Variants in GALNT3 observed in about 807,000 individuals in gnomAD.
GALNT3 encodes GalNAc transferase 3.
GALNT3 carries 51 observed loss-of-function variants against 69.8 expected under a neutral mutation model. The ratio of observed to expected loss-of-function variants is 0.73; its 90% CI spans 0.58 to 0.92. GALNT3 has a LOEUF of 0.92. Ranked by LOEUF, GALNT3 falls within the 40% of genes least tolerant of loss-of-function variation. The probability of loss-of-function intolerance (pLI) is 0.00; values close to 1 mark genes in which losing one functional copy is unlikely to be tolerated. For missense variants in GALNT3, 711 were observed against 760.0 expected, an observed-to-expected ratio of 0.94 and a Z score of 0.76; for synonymous variants, 265 against 248.5, an observed-to-expected ratio of 1.07 and a Z score of -0.63.
At chr2:165,762,111 T>C in intron 3 of GALNT3, 57 bp from the exon 4 acceptor site, 6 of 1,235,006 alleles carry the variant, frequency 4.9e-6, no homozygotes, top group South Asian at 2.5e-5. Flanking sequence ...ATATATAGCT[T>C]ATGAAAGCTA....
At chr2:165,758,702 T>G (rs1205778459) in intron 6 of GALNT3, 45 bp downstream of exon 6, 1 of 1,160,992 alleles carries the variant, frequency 8.6e-7, no homozygotes, top group Non-Finnish European at 1.3e-6. Context: ...CACAATATAT[T>G]TCATTGTTTA....
At chr2:165,753,089 G>A (rs1206944034) in intron 9 of GALNT3, among the ~76,000 whole-genome samples, 1 of 152,186 alleles carries the variant, frequency 6.6e-6, no homozygotes, top group Non-Finnish European at 1.5e-5. Flanking sequence ...TAGATTGATT[G>A]GTTTAGGTTA....
intron 7 of GALNT3, among the ~76,000 whole-genome samples, chr2:165,755,897 T>C (rs1358093451): frequency 6.6e-6 from 1 of 152,198 alleles, no homozygotes; most frequent in East Asian, 1.9e-4. Flanking sequence ...ACATTTACCA[T>C]GTAGATCTAT....
At chr2:165,753,216 C>T (rs1171490706) in intron 9 of GALNT3, among the ~76,000 whole-genome samples, 1 of 152,104 alleles carries the variant, frequency 6.6e-6, no homozygotes, top group Non-Finnish European at 1.5e-5. Flanking sequence ...AAGTTTCGTC[C>T]CATTAAAATA....
At chr2:165,782,576 T>G (rs1316271034) in intron 1 of GALNT3, among the ~76,000 whole-genome samples, 1 of 152,068 alleles carries the variant, frequency 6.6e-6, no homozygotes, top group Non-Finnish European at 1.5e-5. Flanking sequence ...ATTAAAGAAC[T>G]GGGGAAATAA....
intron 1 of GALNT3, among the ~76,000 whole-genome samples, chr2:165,788,466 G>GGTGTGT (rs148293638): frequency 0.026 from 3,698 of 139,548 alleles, 84 homozygotes; most frequent in Admixed American, 0.042. Flanking sequence ...AATCCAAAAG[G>GGTGTGT]GTGTGTGTGT....
Position 165,759,325 on chromosome 2 carries a change from A to T in GALNT3, c.1073+11T>A, listed in dbSNP as rs759251295. The T allele has an allele frequency of 6.3e-7, 1 of 1,596,910 alleles. No homozygotes were observed. The highest frequency in any genetic ancestry group is 8.6e-7 in the Non-Finnish European group (1 of 1,165,150). On this transcript the variant is annotated intron_variant, in intron 5 of 10. Transcript: ENST00000392701. ...GGTGTAAATATAAGACTCTGAGAGC[A>T]ATCATCTTACTTAATTGGGTAGGTT...
At position 165,770,448 on chromosome 2, in the gene GALNT3, G is replaced by A; in HGVS notation, c.253C>T (p.Pro85Ser). 1 of 1,614,168 alleles carries A rather than the reference G, an allele frequency of 6.2e-7. No homozygotes were observed. The highest frequency in any genetic ancestry group is 1.3e-5 in the African/African-American group (1 of 75,020). The change falls in exon 2 of 11, where the codon CCT (proline) becomes TCT (serine). Residue 85 changes from proline to serine, a missense_variant. Transcript: ENST00000392701. Reference protein sequence around the residue: ...DAMPKMQIGAPVRQNIDAGER... With the variant: ...DAMPKMQIGASVRQNIDAGER... ...CCAGCATCAATGTTTTGCCTGACAG[G>A]TGCTCCTATTTGCATTTTTGGCATG...
At chr2:165,762,172 A>G in intron 3 of GALNT3, 118 bp from the exon 4 acceptor site, 1 of 790,772 alleles carries the variant, frequency 1.3e-6, no homozygotes, top group Non-Finnish European at 2.0e-6. Flanking sequence ...TAACAGTTGC[A>G]TGTGTCCTTC....
At chr2:165,772,212 T>G (rs1438101701) in intron 1 of GALNT3, among the ~76,000 whole-genome samples, 2 of 152,278 alleles carry the variant, frequency 1.3e-5, no homozygotes, top group Admixed American at 1.3e-4. Context: ...AGCCCTTACC[T>G]TCAAGAAGCA....
chr2:165,774,308 A>G (rs1688806847), intron 1 of GALNT3, among the ~76,000 whole-genome samples: 1 of 152,192 alleles, frequency 6.6e-6, no homozygotes, highest in Admixed American at 6.5e-5. Context: ...ATTTGAGAAG[A>G]ATTGAGCTGG....
chr2:165,773,979 CAG>C (rs906054641), intron 1 of GALNT3, among the ~76,000 whole-genome samples: 1 of 152,074 alleles, frequency 6.6e-6, no homozygotes, highest in African/African-American at 2.4e-5. Flanking sequence ...AGAACCTTGG[CAG>C]AGAGAGTAGT....
At position 165,768,909 on chromosome 2, in the gene GALNT3, G is replaced by T. The variant is rs147225120; in HGVS notation, c.515+1277C>A. On this transcript the variant is annotated intron_variant, in intron 2 of 10. Coordinates refer to ENST00000392701, the MANE Select transcript of GALNT3 (RefSeq NM_004482.4). The stretch of plus-strand genomic sequence containing the variant: ...CCCCAGGTTCAAGCAATTCTCCAGC[G>T]TCAGGCTCCCCAGTAGCTGGGACTA... Among the ~76,000 whole-genome samples the T allele has an allele frequency of 8.0e-5, 12 of 150,534 alleles. No individual in the cohort carries two copies. In the East Asian group the frequency reaches 2.4e-3, roughly 30 times the overall value.
rs1284099127 is a variant in GALNT3, at chr2:165,758,590, A to G, written c.1191+157T>C. ...GAATAAATATATTAAGTTACATATT[A>G]AAAGAAAATATTCTTATTCCAAAAT... On this transcript the variant is annotated intron_variant, in intron 6 of 10. Coordinates refer to ENST00000392701, the MANE Select transcript of GALNT3 (RefSeq NM_004482.4). 33 of 581,472 alleles carry G rather than the reference A, an allele frequency of 5.7e-5. No homozygotes were observed. The Admixed American group carries it at 1.1e-3, about 19-fold the overall frequency. 36.0% of individuals were successfully genotyped at this position (581,472 alleles called of 1,614,324 possible). A position where few individuals can be genotyped will look rare whatever the true frequency, so the allele number is the denominator to read the frequency against.
intron 1 of GALNT3, among the ~76,000 whole-genome samples, chr2:165,774,356 A>AAC (rs1329582802): frequency 6.6e-6 from 1 of 152,216 alleles, no homozygotes; most frequent in Non-Finnish European, 1.5e-5. Context: ...AAGAGTTCAG[A>AAC]GAAAGCACAG....
chr2:165,761,615 T>TG (rs1434996868), intron 4 of GALNT3: 7 of 543,058 alleles, frequency 1.3e-5, no homozygotes, highest in South Asian at 1.0e-4. Flanking sequence ...AAAAGAAACA[T>TG]GGAAAAAAAA....
chr2:165,749,948 A>C (rs567582522), intron 9 of GALNT3, 54 bp from the exon 10 acceptor site: 3 of 1,459,370 alleles, frequency 2.1e-6, no homozygotes, highest in South Asian at 2.3e-5. Context: ...GCTCAGTTGC[A>C]AAATAAATAA....
intron 2 of GALNT3, among the ~76,000 whole-genome samples, chr2:165,767,248 T>C: frequency 6.6e-6 from 1 of 152,042 alleles, no homozygotes; most frequent in African/African-American, 2.4e-5. Context: ...AATTCCATAT[T>C]GTGGTATTTT....
intron 9 of GALNT3, among the ~76,000 whole-genome samples, chr2:165,752,660 A>C (rs1688375228): frequency 6.6e-6 from 1 of 152,222 alleles, no homozygotes. Context: ...AATGTGTACA[A>C]TATATCTTCA....
Sources: allele counts gnomAD v4.1 joint callset (sites outside exome capture counted in the v4.1 genomes callset), GRCh38; gene constraint gnomAD v4.1.1; transcripts MANE v1.5; gene names NCBI Gene and HGNC (gene_info 2026-07-23, HGNC 2026-07-21).